The following ELMOD3 variants were observed in gnomAD, a reference collection of about 807,000 sequenced individuals.
ELMOD3 encodes the protein ELMO domain containing 3.
ELMOD3 carries 36 observed loss-of-function variants against 47.4 expected under a neutral mutation model. The ratio of observed to expected loss-of-function variants is 0.76; its 90% CI spans 0.58 to 1.00. The LOEUF (loss-of-function observed/expected upper bound fraction) is 1.00, where lower values mean the gene tolerates loss of function less well. Ranked by LOEUF, ELMOD3 falls within the 50% of genes least tolerant of loss-of-function variation. The pLI is 0.00. For synonymous variants in ELMOD3, 149 were observed against 183.5 expected (o/e 0.81, Z 1.52); for missense variants, 404 against 463.8 (o/e 0.87, Z 1.18).
rs531258943 is a variant in ELMOD3 at position 85,390,467 on chromosome 2, G to T, written c.943+202G>T. On this transcript the variant is annotated intron_variant, in intron 13 of 13. Coordinates refer to ENST00000409013, the MANE Select transcript of ELMOD3 (RefSeq NM_001135022.2). ...TCTGCCCTGACTGTCGCCCTTTTCT[G>T]GTCTTATACTTATGACAAGCATATA... The T allele has an allele frequency of 4.3e-6, 7 of 1,613,686 alleles. No homozygotes were observed. In the African/African-American group the frequency reaches 9.3e-5, roughly 22 times the overall value.
At position 85,362,270 on chromosome 2, in the gene ELMOD3, AC is replaced by A; in HGVS notation, c.129+13del. On this transcript the variant is annotated intron_variant, in intron 5 of 13. Coordinates refer to ENST00000409013, the MANE Select transcript of ELMOD3 (RefSeq NM_001135022.2). Reference sequence around the variant, plus strand: ...TTTCAGAGGAATCCCTGTATGTATCACCCACAACTTGGTACCTTCTGCCAGG... The same window carrying A: ...TTTCAGAGGAATCCCTGTATGTATCACCACAACTTGGTACCTTCTGCCAGG... 1 of 1,523,218 alleles carries A rather than the reference AC, an allele frequency of 6.6e-7. No individual in the cohort carries two copies. 94.4% of individuals were successfully genotyped at this position (1,523,218 alleles called of 1,614,324 possible). A position where few individuals can be genotyped will look rare whatever the true frequency, so the allele number is the denominator to read the frequency against.
rs1246832697 is a variant in ELMOD3, at chr2:85,357,255, A to G, written c.54+3A>G. ...AAGAAGAATTAAGAGATGGACAGGT[A>G]AGCATGCACTCTTATTTGGGAAAGG... On this transcript the variant is annotated splice_donor_region_variant and intron_variant, in intron 4 of 13. Transcript: ENST00000409013. 1 of 1,584,300 alleles carries G rather than the reference A, an allele frequency of 6.3e-7. No individual in the cohort carries two copies. Among genetic ancestry groups the G allele is most frequent in the East Asian group, 2.2e-5 (1 of 44,480 alleles).
In ELMOD3 at chr2:85,356,983, A is replaced by T; in HGVS notation, c.-216A>T. Reference sequence around the variant, plus strand: ...TTTGTGCAGAGCTGAGGCTTCGAAGACCTCAGAGGACTTCTCTCAGCACTC... The same window carrying T: ...TTTGTGCAGAGCTGAGGCTTCGAAGTCCTCAGAGGACTTCTCTCAGCACTC... On this transcript the variant is annotated 5_prime_UTR_variant, in exon 4 of 14. Coordinates refer to ENST00000409013, the MANE Select transcript of ELMOD3 (RefSeq NM_001135022.2). 1 of 410,684 alleles carries T rather than the reference A, an allele frequency of 2.4e-6. No homozygotes were observed. Among genetic ancestry groups the T allele is most frequent in the Non-Finnish European group, 4.3e-6 (1 of 231,650 alleles). 25.4% of individuals were successfully genotyped at this position (410,684 alleles called of 1,614,324 possible).
chr2:85,368,601 A>G, intron 6 of ELMOD3, 85 bp from the exon 7 acceptor site: 2 of 1,409,218 alleles, frequency 1.4e-6, no homozygotes, highest in Non-Finnish European at 2.0e-6. Context: ...AATAGGCCCA[A>G]GGCAGGCAGA....
chr2:85,359,962 G>T (rs113089099), intron 4 of ELMOD3, among the ~76,000 whole-genome samples: 7 of 152,120 alleles, frequency 4.6e-5, no homozygotes, highest in African/African-American at 1.7e-4. Flanking sequence ...GGTCCCAGCT[G>T]CTTGGAATGC....
chr2:85,364,825 A>ATATATATATATATATTTTTTTTTTTTT (rs375582916), intron 6 of ELMOD3, among the ~76,000 whole-genome samples: 1 of 69,894 alleles, frequency 1.4e-5, no homozygotes, highest in African/African-American at 6.7e-5. Flanking sequence ...ATATATATAT[A>ATATATATATATATATTTTTTTTTTTTT]TTTTTTTTTT....
At chr2:85,389,956 C>T (rs2104753251) in intron 12 of ELMOD3, 129 bp downstream of exon 12, 1 of 1,066,322 alleles carries the variant, frequency 9.4e-7, no homozygotes, top group Middle Eastern at 2.0e-4. Flanking sequence ...TCCCCATGCA[C>T]CGGTCTCCCC....
intron 11 of ELMOD3, among the ~76,000 whole-genome samples, chr2:85,387,982 T>C (rs1179464324): frequency 6.6e-6 from 1 of 152,124 alleles, no homozygotes; most frequent in African/African-American, 2.4e-5. Flanking sequence ...GCAATACGTA[T>C]AAAATGTCAC....
In ELMOD3 at chr2:85,363,154, T is replaced by C; in HGVS notation, c.187T>C (p.Trp63Arg). The C allele has an allele frequency of 6.2e-7, 1 of 1,609,628 alleles. No individual in the cohort carries two copies. The highest frequency in any genetic ancestry group is 8.5e-7 in the Non-Finnish European group (1 of 1,176,062). ...LQALTTEAYE[W>R]EPRVVSTEVV... ...GGCTCTGACCACAGAAGCTTATGAATGGGAGCCACGTGGTAAGGTTCCCTT... is the reference window on the plus strand; with the variant it reads ...GGCTCTGACCACAGAAGCTTATGAACGGGAGCCACGTGGTAAGGTTCCCTT... The change falls in exon 6 of 14, where the codon TGG becomes CGG. Residue 63 changes from tryptophan to arginine, a missense_variant. Coordinates refer to ENST00000409013, the MANE Select transcript of ELMOD3 (RefSeq NM_001135022.2).
Position 85,391,273 on chromosome 2 carries a change from T to G in ELMOD3, c.*311T>G. 1 of 272,164 alleles carries G rather than the reference T, an allele frequency of 3.7e-6. No individual in the cohort carries two copies. 16.9% of individuals were successfully genotyped at this position (272,164 alleles called of 1,614,324 possible). On this transcript the variant is annotated 3_prime_UTR_variant, in exon 14 of 14. Transcript: ENST00000409013. ...GGAGTGAATGGATCATGAGGTGGGATGGCCCCATCTGGATGTTCTGCAGAT... is the reference window on the plus strand; with the variant it reads ...GGAGTGAATGGATCATGAGGTGGGAGGGCCCCATCTGGATGTTCTGCAGAT...
intron 4 of ELMOD3, among the ~76,000 whole-genome samples, chr2:85,358,312 TATAAG>T (rs1435408159): frequency 1.4e-5 from 2 of 145,704 alleles, no homozygotes; most frequent in Non-Finnish European, 3.0e-5. Context: ...AAAAAAGAAA[TATAAG>T]AGAAGGTCCT....
intron 6 of ELMOD3, 60 bp downstream of exon 6, chr2:85,363,226 C>T (rs983146978): frequency 1.1e-6 from 1 of 888,934 alleles, no homozygotes; most frequent in South Asian, 1.4e-5. Flanking sequence ...CCTTCCCATG[C>T]ATCTGCTGTT....
intron 3 of ELMOD3, chr2:85,356,161 G>A (rs1027147260): frequency 2.0e-5 from 3 of 152,290 alleles, no homozygotes; most frequent in African/African-American, 7.2e-5. Context: ...AATGTCAGAT[G>A]AAAGACTTAG....
At position 85,391,286 on chromosome 2, in the gene ELMOD3, A is replaced by G. The variant is rs1686339143; in HGVS notation, c.*324A>G. ...CATGAGGTGGGATGGCCCCATCTGG[A>G]TGTTCTGCAGATCCCCACATGGGAG... On this transcript the variant is annotated 3_prime_UTR_variant, in exon 14 of 14. Coordinates refer to ENST00000409013, the MANE Select transcript of ELMOD3 (RefSeq NM_001135022.2). 1 of 245,706 alleles carries G rather than the reference A, an allele frequency of 4.1e-6. No individual in the cohort carries two copies. Among genetic ancestry groups the G allele is most frequent in the Non-Finnish European group, 7.9e-6 (1 of 126,362 alleles). 15.2% of individuals were successfully genotyped at this position (245,706 alleles called of 1,614,324 possible).
intron 11 of ELMOD3, among the ~76,000 whole-genome samples, chr2:85,380,935 G>A (rs1483002180): frequency 6.6e-6 from 1 of 152,082 alleles, no homozygotes; most frequent in Non-Finnish European, 1.5e-5. Context: ...CAGTTGACAA[G>A]GAAATTTGTT....
intron 6 of ELMOD3, among the ~76,000 whole-genome samples, chr2:85,365,122 T>TAAA (rs551064198): frequency 7.2e-6 from 1 of 139,510 alleles, no homozygotes; most frequent in African/African-American, 2.6e-5. Flanking sequence ...TGGCTAACTT[T>TAAA]AAAAAAAAAA....
chr2:85,391,225 T>C lies in ELMOD3; in HGVS notation c.*263T>C, dbSNP rs1686334048. 2.3e-6 allele frequency: 1 copy of C among 443,648 alleles called. No homozygotes were observed. Among genetic ancestry groups the C allele is most frequent in the Non-Finnish European group, 4.1e-6 (1 of 242,800 alleles). 27.5% of individuals were successfully genotyped at this position (443,648 alleles called of 1,614,324 possible). A position where few individuals can be genotyped will look rare whatever the true frequency, so the allele number is the denominator to read the frequency against. On this transcript the variant is annotated 3_prime_UTR_variant, in exon 14 of 14. Transcript: ENST00000409013. ...AATCTGTTGGGCTCCAGTCTCCGGG[T>C]TGAATTCCAGTGTATCCCACTGGGA...
At chr2:85,357,954 A>T (rs1683677917) in intron 4 of ELMOD3, among the ~76,000 whole-genome samples, 1 of 152,210 alleles carries the variant, frequency 6.6e-6, no homozygotes, top group South Asian at 2.1e-4. Flanking sequence ...TTTTGTGCTT[A>T]GTACTGTGCC....
intron 10 of ELMOD3, among the ~76,000 whole-genome samples, chr2:85,373,375 G>A (rs922079850): frequency 6.6e-6 from 1 of 152,156 alleles, no homozygotes; most frequent in African/African-American, 2.4e-5. Flanking sequence ...TGTCTTAAAT[G>A]TATCCTCTCT....
Sources: allele counts gnomAD v4.1 joint callset (sites outside exome capture counted in the v4.1 genomes callset), GRCh38; gene constraint gnomAD v4.1.1; transcripts MANE v1.5; gene names NCBI Gene and HGNC (gene_info 2026-07-23, HGNC 2026-07-21).